Variants in RYR2 observed in about 807,000 individuals in gnomAD.
The protein encoded by RYR2 is cardiac muscle ryanodine receptor-calcium release channel.
RYR2 carries 227 observed loss-of-function variants against 601.1 expected under a neutral mutation model. The observed-to-expected ratio is 0.38, with a 90% CI of 0.34 to 0.42. The LOEUF (loss-of-function observed/expected upper bound fraction) is 0.42, where lower values mean the gene tolerates loss of function less well. RYR2 is among the 10% of genes least tolerant of loss of function. The pLI is 1.00. For missense variants in RYR2, 4,646 were observed against 6,156.5 expected (o/e 0.75, Z 8.21); for synonymous variants, 2,223 against 2,175.1 (o/e 1.02, Z -0.61).
chr1:237,469,135 T>C lies in RYR2; in HGVS notation c.1656T>C (p.Ser552=), dbSNP rs780295728. Residue 552 remains serine, a synonymous_variant, in exon 17 of 105, where the codon TCT becomes TCC. Transcript: ENST00000366574. ...ATCGTAAAAACTGTGCTCAATTTTC[T>C]GGCTCCCTCGACTGGTTGATCAGCA... The part of the protein sequence containing the change: ...RGNRKNCAQF[S]GSLDWLISRL... 1.2e-6 allele frequency: 2 copies of C among 1,613,160 alleles called. No homozygotes were observed. The highest frequency in any genetic ancestry group is 1.7e-6 in the Non-Finnish European group (2 of 1,179,376).
At chr1:237,576,086 T>C (rs2148330461) in intron 29 of RYR2, among the ~76,000 whole-genome samples, 1 of 152,312 alleles carries the variant, frequency 6.6e-6, no homozygotes, top group Non-Finnish European at 1.5e-5. Context: ...TATTGAGAGA[T>C]GGTTGACTTT....
chr1:237,820,249 ACAGCTCCAGTCTG>A (rs1662320576), intron 101 of RYR2, among the ~76,000 whole-genome samples: 4 of 151,708 alleles, frequency 2.6e-5, no homozygotes, highest in Admixed American at 2.6e-4. Context: ...CCAAATAGGA[ACAGCTCCAGTCTG>A]CAGCTCCCAG....
At chr1:237,386,371 C>T (rs1311218068) in intron 8 of RYR2, among the ~76,000 whole-genome samples, 2 of 152,136 alleles carry the variant, frequency 1.3e-5, no homozygotes, top group African/African-American at 4.8e-5. Context: ...AAGGTGACTA[C>T]TTTAGGCGTG....
At chr1:237,828,847 A>G (rs1574119387) in intron 102 of RYR2, among the ~76,000 whole-genome samples, 1 of 152,252 alleles carries the variant, frequency 6.6e-6, no homozygotes, top group East Asian at 1.9e-4. Context: ...TCCTAGAAGA[A>G]GGGATGTCTG....
At chr1:237,778,556 C>G (rs1694846724) in intron 87 of RYR2, 110 bp from the exon 88 acceptor site, 1 of 512,586 alleles carries the variant, frequency 2.0e-6, no homozygotes, top group Non-Finnish European at 3.6e-6. Context: ...AGATAACGTG[C>G]TAGCAGTGAA....
At chr1:237,068,012 T>C (rs1663859974) in intron 1 of RYR2, among the ~76,000 whole-genome samples, 1 of 151,944 alleles carries the variant, frequency 6.6e-6, no homozygotes, top group South Asian at 2.1e-4. Context: ...ATTGCATACC[T>C]TGATTTATCC....
chr1:237,231,023 TAAGAA>T (rs752342096), intron 1 of RYR2, among the ~76,000 whole-genome samples: 1 of 152,158 alleles, frequency 6.6e-6, no homozygotes, highest in Non-Finnish European at 1.5e-5. Flanking sequence ...TTGATAATCT[TAAGAA>T]AAGCATGATT....
At chr1:237,523,473 G>T (rs112327441) in intron 24 of RYR2, among the ~76,000 whole-genome samples, 235 of 152,232 alleles carry the variant, frequency 1.5e-3, no homozygotes, top group African/African-American at 5.6e-3. Context: ...GGTGGCTCAC[G>T]CCTATAATTC....
At chr1:237,093,017 C>T (rs1319457602) in intron 1 of RYR2, among the ~76,000 whole-genome samples, 6 of 152,132 alleles carry the variant, frequency 3.9e-5, no homozygotes, top group South Asian at 2.1e-4. Flanking sequence ...GTAGAACTCC[C>T]GGTGAAGATG....
chr1:237,817,017 G>A (rs1661915124), intron 100 of RYR2, among the ~76,000 whole-genome samples: 1 of 152,098 alleles, frequency 6.6e-6, no homozygotes, highest in African/African-American at 2.4e-5. Context: ...TGGCTCTAAG[G>A]ATCTCCTGAC....
In RYR2 at chr1:237,359,878, T is replaced by C. The variant is rs939048824; in HGVS notation, c.294+3893T>C. 1.1e-4 allele frequency among the ~76,000 whole-genome samples: 17 copies of C among 152,278 alleles called. 1 individual carries two copies. Among genetic ancestry groups the C allele is most frequent in the Non-Finnish European group, 8.8e-5 (6 of 68,014 alleles). On this transcript the variant is annotated intron_variant, in intron 4 of 104. Coordinates refer to ENST00000366574, the MANE Select transcript of RYR2 (RefSeq NM_001035.3). ...CCTAGCCCTTTTCTAACCTATACCA[T>C]TGGTTTCCAATGTGGAGGCCTAGGA...
Position 237,833,941 on chromosome 1 carries a change from G to A in RYR2, c.*1294G>A, listed in dbSNP as rs1163440402. 1.3e-5 allele frequency: 2 copies of A among 152,372 alleles called. No individual in the cohort carries two copies. The highest frequency in any genetic ancestry group is 1.5e-5 in the Non-Finnish European group (1 of 68,026). 9.4% of individuals were successfully genotyped at this position (152,372 alleles called of 1,614,324 possible). A position where few individuals can be genotyped will look rare whatever the true frequency, so the allele number is the denominator to read the frequency against. ...GAGCTCTTTTATTACAAGTCTGCTT[G>A]TTAATTTTAGAACTGTAAAACCGCT... On this transcript the variant is annotated 3_prime_UTR_variant, in exon 105 of 105. Transcript: ENST00000366574.
chr1:237,795,818 GTATGTA>G (rs1429684625), intron 96 of RYR2, among the ~76,000 whole-genome samples: 4 of 129,958 alleles, frequency 3.1e-5, no homozygotes, highest in African/African-American at 9.4e-5. Flanking sequence ...GTATATACAG[GTATGTA>G]TGTGTGTGTG....
Position 237,565,404 on chromosome 1 carries a change from T to A in RYR2, c.3215-1163T>A, listed in dbSNP as rs75733509. 3.6e-3 allele frequency among the ~76,000 whole-genome samples: 541 copies of A among 152,116 alleles called. 12 individuals are homozygous for A. In the East Asian group the frequency reaches 0.061, roughly 17 times the overall value. ...TATCAGCCTCTTGAGAAGCTTGGACTTACAGGCATGCACTACCATGTCTGG... is the reference window on the plus strand; with the variant it reads ...TATCAGCCTCTTGAGAAGCTTGGACATACAGGCATGCACTACCATGTCTGG... On this transcript the variant is annotated intron_variant, in intron 27 of 104. Transcript: ENST00000366574.
At chr1:237,356,230 A>G (rs1699283292) in intron 4 of RYR2, among the ~76,000 whole-genome samples, 1 of 151,714 alleles carries the variant, frequency 6.6e-6, no homozygotes, top group African/African-American at 2.4e-5. Context: ...TTTTTATATA[A>G]TTTATTTTGT....
At chr1:237,145,185 G>A (rs997342841) in intron 1 of RYR2, among the ~76,000 whole-genome samples, 3 of 151,410 alleles carry the variant, frequency 2.0e-5, no homozygotes, top group Admixed American at 6.6e-5. Flanking sequence ...AAACCTGCAC[G>A]TTTTGCACAT....
At chr1:237,594,885 G>GGTTTTTTTTGTTTTTTTGTTTTTTT (rs773047111) in intron 33 of RYR2, among the ~76,000 whole-genome samples, 1 of 79,048 alleles carries the variant, frequency 1.3e-5, no homozygotes, top group African/African-American at 7.2e-5. Flanking sequence ...AATATCACTG[G>GGTTTTTTTTGTTTTTTTGTTTTTTT]GTTTTTTTTT....
intron 57 of RYR2, 60 bp downstream of exon 57, chr1:237,666,649 A>ACATT: frequency 1.0e-5 from 13 of 1,285,012 alleles, no homozygotes; most frequent in Non-Finnish European, 1.4e-5. Context: ...AGCATAATGT[A>ACATT]ATGCTTTCCT....
chr1:237,115,231 A>G (rs946924646), intron 1 of RYR2, among the ~76,000 whole-genome samples: 2 of 122,880 alleles, frequency 1.6e-5, no homozygotes, highest in African/African-American at 5.4e-5. Context: ...CTTCGTGGAA[A>G]CCACACCCCC....
Sources: gnomAD v4.1 joint callset for allele counts (sites outside exome capture counted in the v4.1 genomes callset) on GRCh38, gnomAD v4.1.1 for gene constraint, MANE v1.5 for transcripts, NCBI Gene and HGNC (gene_info 2026-07-23, HGNC 2026-07-21) for gene names.